DLGAP1: variants seen among roughly 807,000 people sequenced by gnomAD.
DLGAP1 encodes DLG associated protein 1.
Under a neutral mutation model 90.8 loss-of-function variants are expected in DLGAP1, and 11 were observed. The ratio of observed to expected loss-of-function variants is 0.12; its 90% CI spans 0.08 to 0.20. DLGAP1 has a LOEUF of 0.20. Ranked by LOEUF, DLGAP1 falls within the 10% of genes least tolerant of loss-of-function variation. The pLI, the probability that DLGAP1 is intolerant of heterozygous loss-of-function variation, is 1.00. For missense variants in DLGAP1, 1,050 were observed against 1,333.8 expected, an observed-to-expected ratio of 0.79 and a Z score of 3.31; for synonymous variants, 558 against 540.7, an observed-to-expected ratio of 1.03 and a Z score of -0.44.
At chr18:4,152,372 G>A (rs571736321) in intron 1 of DLGAP1, among the ~76,000 whole-genome samples, 9 of 152,296 alleles carry the variant, frequency 5.9e-5, no homozygotes, top group Non-Finnish European at 1.2e-4. Context: ...GTGCTTAAAT[G>A]AGTGTGGAAT....
intron 7 of DLGAP1, among the ~76,000 whole-genome samples, chr18:3,684,379 T>A (rs1422724910): frequency 6.7e-6 from 1 of 148,756 alleles, no homozygotes; most frequent in Non-Finnish European, 1.5e-5. Flanking sequence ...TTTTTTTTTT[T>A]AGCACAGATG....
intron 6 of DLGAP1, among the ~76,000 whole-genome samples, chr18:3,741,022 A>T (rs1421884377): frequency 1.0e-5 from 1 of 99,410 alleles, no homozygotes; most frequent in African/African-American, 4.2e-5. Flanking sequence ...CACCATCACC[A>T]CCACCACCAC....
intron 1 of DLGAP1, among the ~76,000 whole-genome samples, chr18:4,197,178 TAAAAAAAAGTAAAAAAAAAA>T (rs2077513958): frequency 2.7e-5 from 1 of 36,974 alleles, no homozygotes. Flanking sequence ...GTCTCAAATT[TAAAAAAAAGTAAAAAAAAAA>T]AAAAAAAAAA....
intron 5 of DLGAP1, among the ~76,000 whole-genome samples, chr18:3,765,380 T>TGCC: frequency 6.6e-6 from 1 of 151,106 alleles, no homozygotes; most frequent in African/African-American, 2.4e-5. Flanking sequence ...TCTGCCCACC[T>TGCC]TGGCCTCCCA....
chr18:3,779,526 A>T (rs4089463), intron 5 of DLGAP1, among the ~76,000 whole-genome samples: 68,866 of 151,910 alleles, frequency 0.45, 17,106 homozygotes, highest in East Asian at 0.71. Flanking sequence ...ACTGCTGTGG[A>T]CAAGAAAGAC....
chr18:3,657,473 T>C (rs149912756), intron 7 of DLGAP1, among the ~76,000 whole-genome samples: 418 of 152,330 alleles, frequency 2.7e-3, no homozygotes, highest in Admixed American at 0.01. Context: ...AGTATGCATA[T>C]ACATGTCCAT....
chr18:3,563,748 C>T (rs1374419802), intron 9 of DLGAP1, among the ~76,000 whole-genome samples: 2 of 152,174 alleles, frequency 1.3e-5, no homozygotes. Context: ...GGATTACAGG[C>T]ATGAGCCACC....
chr18:3,666,181 C>T (rs988538639), intron 7 of DLGAP1, among the ~76,000 whole-genome samples: 4 of 152,110 alleles, frequency 2.6e-5, no homozygotes, highest in Admixed American at 1.3e-4. Context: ...ACCCAGGAAA[C>T]CTTCCAGGAA....
intron 1 of DLGAP1, among the ~76,000 whole-genome samples, chr18:4,390,113 CT>C (rs1251957810): frequency 4.0e-5 from 6 of 151,432 alleles, no homozygotes; most frequent in African/African-American, 9.7e-5. Context: ...TCTGCCCTTC[CT>C]TATGGAGAGA....
intron 1 of DLGAP1, among the ~76,000 whole-genome samples, chr18:4,164,432 G>T (rs1014342043): frequency 6.6e-6 from 1 of 152,164 alleles, no homozygotes; most frequent in African/African-American, 2.4e-5. Context: ...TGTAATCCCA[G>T]CACTTTGGGA....
At chr18:4,101,077 G>A (rs1039688868) in intron 2 of DLGAP1, among the ~76,000 whole-genome samples, 4 of 152,106 alleles carry the variant, frequency 2.6e-5, no homozygotes, top group Non-Finnish European at 4.4e-5. Context: ...TTCTTCCTTT[G>A]CATTCACAAC....
intron 7 of DLGAP1, among the ~76,000 whole-genome samples, chr18:3,601,686 T>G (rs930057668): frequency 1.3e-5 from 2 of 151,658 alleles, no homozygotes; most frequent in Non-Finnish European, 2.9e-5. Context: ...CTACCAAAAA[T>G]ACAAATAAAT....
At chr18:4,086,810 ATATCCT>A (rs1445259040) in intron 2 of DLGAP1, among the ~76,000 whole-genome samples, 5 of 151,764 alleles carry the variant, frequency 3.3e-5, no homozygotes, top group Non-Finnish European at 7.4e-5. Context: ...GTTAAGTTCT[ATATCCT>A]TATTGATTTT....
chr18:4,166,420 G>T (rs1453414880), intron 1 of DLGAP1, among the ~76,000 whole-genome samples: 3 of 152,166 alleles, frequency 2.0e-5, no homozygotes, highest in Non-Finnish European at 2.9e-5. Flanking sequence ...TTTGTGCATT[G>T]CTGGTGGGAA....
chr18:4,314,965 A>C (rs539727947), intron 1 of DLGAP1, among the ~76,000 whole-genome samples: 21 of 152,336 alleles, frequency 1.4e-4, no homozygotes, highest in Middle Eastern at 6.8e-3. Context: ...TTATCTAAAG[A>C]ATATCTGTTT....
chr18:3,806,414 T>C (rs534390859), intron 5 of DLGAP1, among the ~76,000 whole-genome samples: 16 of 152,348 alleles, frequency 1.1e-4, no homozygotes, highest in South Asian at 4.1e-4. Context: ...TGTGTCTGTG[T>C]GTATTTTTCT....
At chr18:3,720,286 T>C (rs1173366537) in intron 7 of DLGAP1, among the ~76,000 whole-genome samples, 2 of 152,142 alleles carry the variant, frequency 1.3e-5, no homozygotes, top group African/African-American at 4.8e-5. Context: ...TAAAACAAAA[T>C]AAAAATTCTC....
chr18:4,396,704 AAG>A (rs1378218522), intron 1 of DLGAP1, among the ~76,000 whole-genome samples: 3 of 152,144 alleles, frequency 2.0e-5, no homozygotes, highest in African/African-American at 7.2e-5. Context: ...AAGGAAGAGC[AAG>A]AGAGAGAAAC....
chr18:4,435,361 CAG>C (rs1252968912), intron 1 of DLGAP1, among the ~76,000 whole-genome samples: 1 of 151,896 alleles, frequency 6.6e-6, no homozygotes, highest in Non-Finnish European at 1.5e-5. Flanking sequence ...GTATATGAAA[CAG>C]AAAATATAGT....
Sources: gnomAD v4.1 joint callset for allele counts (sites outside exome capture counted in the v4.1 genomes callset) on GRCh38, gnomAD v4.1.1 for gene constraint, MANE v1.5 for transcripts, NCBI Gene and HGNC (gene_info 2026-07-23, HGNC 2026-07-21) for gene names.